The following PXDNL variants were observed in gnomAD, a reference collection of about 807,000 sequenced individuals.
PXDNL encodes the protein probable oxidoreductase PXDNL.
Under a neutral mutation model 150.8 loss-of-function variants are expected in PXDNL, and 145 were observed. That is an observed-to-expected ratio of 0.96 (90% confidence interval 0.84 to 1.10). The LOEUF (loss-of-function observed/expected upper bound fraction) is 1.10, where lower values mean the gene tolerates loss of function less well. Among genes scored for constraint, PXDNL ranks in the 50% least tolerant of loss-of-function variants. The pLI is 0.00. For synonymous variants in PXDNL, 757 were observed against 725.7 expected (o/e 1.04, Z -0.69); for missense variants, 2,087 against 1,873.9 (o/e 1.11, Z -2.10).
intron 6 of PXDNL, among the ~76,000 whole-genome samples, chr8:51,477,551 T>C (rs949961241): frequency 2.0e-5 from 3 of 152,246 alleles, no homozygotes; most frequent in East Asian, 1.9e-4. Flanking sequence ...AGTTCAACAG[T>C]ATTGTGTTCG....
At chr8:51,663,829 A>G (rs1188685053) in intron 1 of PXDNL, among the ~76,000 whole-genome samples, 1 of 152,146 alleles carries the variant, frequency 6.6e-6, no homozygotes, top group African/African-American at 2.4e-5. Flanking sequence ...AGACAGGCAG[A>G]TCACTTGAGA....
intron 1 of PXDNL, among the ~76,000 whole-genome samples, chr8:51,767,484 G>C (rs1476117313): frequency 6.6e-6 from 1 of 152,100 alleles, no homozygotes; most frequent in African/African-American, 2.4e-5. Context: ...CTAATTATTA[G>C]ACAGAGATTT....
intron 14 of PXDNL, 66 bp from the exon 15 acceptor site, chr8:51,413,324 GAATGGCATTACATTTTTAAATGT>G: frequency 1.2e-6 from 1 of 865,776 alleles, no homozygotes; most frequent in Non-Finnish European, 1.9e-6. Context: ...GATATTATAT[GAATGGCATTACATTTTTAAATGT>G]AATGCCATTA....
Position 51,768,007 on chromosome 8 carries a change from T to C in PXDNL, c.164+41174A>G, listed in dbSNP as rs550525390. Among the ~76,000 whole-genome samples the C allele has an allele frequency of 1.1e-4, 16 of 152,242 alleles. 1 individual carries two copies. The highest frequency in any genetic ancestry group is 2.2e-4 in the Non-Finnish European group (15 of 68,046). ...GGATCTCCAAACCTGTTCTTTCCTC[T>C]TAGTGGTTTCTAGGCTCCTGATTTT... On this transcript the variant is annotated intron_variant, in intron 1 of 22. Transcript: ENST00000356297.
At position 51,491,455 on chromosome 8, in the gene PXDNL, A is replaced by G. The variant is rs1437261121; in HGVS notation, c.453-7741T>C. Among the ~76,000 whole-genome samples the G allele has an allele frequency of 2.6e-5, 4 of 152,210 alleles. No homozygotes were observed. The East Asian group carries it at 5.8e-4, about 22-fold the overall frequency. On this transcript the variant is annotated intron_variant, in intron 5 of 22. Transcript: ENST00000356297. ...ATTTGATATCACATGTCTGTACTACAAGGTTAAAATAGATGCAAATATATT... is the reference window on the plus strand; with the variant it reads ...ATTTGATATCACATGTCTGTACTACGAGGTTAAAATAGATGCAAATATATT...
chr8:51,478,432 T>A (rs2130137543), intron 6 of PXDNL, among the ~76,000 whole-genome samples: 1 of 152,352 alleles, frequency 6.6e-6, no homozygotes, highest in South Asian at 2.1e-4. Flanking sequence ...AAATTAATCT[T>A]TTCTATTTGA....
chr8:51,353,418 A>G (rs1806411361), intron 19 of PXDNL, among the ~76,000 whole-genome samples: 1 of 151,868 alleles, frequency 6.6e-6, no homozygotes, highest in South Asian at 2.1e-4. Flanking sequence ...TTGTTTCTGT[A>G]TTTACCTCTG....
intron 1 of PXDNL, among the ~76,000 whole-genome samples, chr8:51,808,548 A>G (rs182398992): frequency 3.3e-5 from 5 of 152,316 alleles, no homozygotes; most frequent in African/African-American, 1.2e-4. Flanking sequence ...GACCTGTTTG[A>G]CTTCCAAATT....
chr8:51,444,864 C>G (rs1470791302), intron 12 of PXDNL, among the ~76,000 whole-genome samples: 1 of 151,982 alleles, frequency 6.6e-6, no homozygotes, highest in Admixed American at 6.6e-5. Flanking sequence ...TCATTTTTCT[C>G]CACTCCAACC....
chr8:51,773,678 C>G (rs1396391141), intron 1 of PXDNL, among the ~76,000 whole-genome samples: 1 of 152,214 alleles, frequency 6.6e-6, no homozygotes, highest in Admixed American at 6.5e-5. Context: ...TACTTTGCTA[C>G]AGTTTTACAA....
At chr8:51,744,985 A>G (rs867468760) in intron 1 of PXDNL, among the ~76,000 whole-genome samples, 285 of 13,654 alleles carry the variant, frequency 0.021, 21 homozygotes, top group Middle Eastern at 0.062. Flanking sequence ...AGAAAGAAAG[A>G]AAGAAAGGGA....
intron 20 of PXDNL, among the ~76,000 whole-genome samples, chr8:51,340,719 G>T (rs1199074877): frequency 1.3e-5 from 2 of 152,194 alleles, no homozygotes; most frequent in African/African-American, 4.8e-5. Context: ...ACCAACAGCA[G>T]TAGTTTAGTC....
At chr8:51,772,828 A>AGT (rs1266016067) in intron 1 of PXDNL, among the ~76,000 whole-genome samples, 3 of 152,212 alleles carry the variant, frequency 2.0e-5, no homozygotes, top group Non-Finnish European at 4.4e-5. Context: ...AACTACAGGG[A>AGT]GTGCCACAGG....
At chr8:51,573,977 G>A (rs1210510942) in intron 3 of PXDNL, among the ~76,000 whole-genome samples, 1 of 151,972 alleles carries the variant, frequency 6.6e-6, no homozygotes, top group East Asian at 1.9e-4. Context: ...CATTCTGTCA[G>A]CCAAGGAAAG....
intron 12 of PXDNL, among the ~76,000 whole-genome samples, chr8:51,429,367 G>A (rs1809195328): frequency 6.6e-6 from 1 of 152,118 alleles, no homozygotes; most frequent in South Asian, 2.1e-4. Context: ...ATCACCTGAG[G>A]TCAAGAGTTT....
At position 51,411,318 on chromosome 8, in the gene PXDNL, A is replaced by G; in HGVS notation, c.1994T>C (p.Phe665Ser). 6.3e-7 allele frequency: 1 copy of G among 1,585,530 alleles called. No individual in the cohort carries two copies. Among genetic ancestry groups the G allele is most frequent in the Non-Finnish European group, 8.6e-7 (1 of 1,168,400 alleles). ...CCGTATCAGCTGCAGCGTGTGCTCA[A>G]AAATCTCCCCTGCTCTTGCCATTTC... ...IVEMARAGEI[F>S]EHTLQLIRER... is the part of the protein sequence containing the mutation. The change falls in exon 16 of 23, where the codon TTT (phenylalanine) becomes TCT (serine). Residue 665 changes from phenylalanine (F) to serine (S), a missense_variant. By Grantham distance (155) the Phe-to-Ser change is radical. Transcript: ENST00000356297.
At chr8:51,589,052 A>G (rs7834676) in intron 3 of PXDNL, among the ~76,000 whole-genome samples, 7,761 of 152,158 alleles carry the variant, frequency 0.051, 464 homozygotes, top group African/African-American at 0.15. Context: ...TCACAGGAGT[A>G]AGTTGGTTAT....
chr8:51,809,228 G>C lies in PXDNL; in HGVS notation c.117C>G (p.His39Gln). The change falls in exon 1 of 23, where the codon CAC becomes CAG. Residue 39 changes from histidine (H) to glutamine (Q), a missense_variant. Transcript: ENST00000356297. ...LCFKSTVRCM[H>Q]LMLDHIPQVP... ...CCTGAGGAATGTGGTCCAGCATCAA[G>C]TGCATGCAGCGGACGGTGCTCTTAA... The C allele has an allele frequency of 6.2e-7, 1 of 1,613,596 alleles. No individual in the cohort carries two copies. Among genetic ancestry groups the C allele is most frequent in the South Asian group, 1.1e-5 (1 of 90,912 alleles).
At chr8:51,507,607 C>T (rs981532418) in intron 4 of PXDNL, among the ~76,000 whole-genome samples, 3 of 152,170 alleles carry the variant, frequency 2.0e-5, no homozygotes, top group Non-Finnish European at 4.4e-5. Flanking sequence ...TTGCCAGCAG[C>T]TATGCAAACA....
Sources: allele counts gnomAD v4.1 joint callset (sites outside exome capture counted in the v4.1 genomes callset), GRCh38; gene constraint gnomAD v4.1.1; transcripts MANE v1.5; gene names NCBI Gene and HGNC (gene_info 2026-07-23, HGNC 2026-07-21).